Variants in ERC2 observed in about 807,000 individuals in gnomAD.
ERC2 encodes the protein ELKS/RAB6-interacting/CAST family member 2.
In ERC2, 42 loss-of-function variants were observed where a neutral mutation model predicts 114.8. The observed-to-expected ratio is 0.37, with a 90% CI of 0.29 to 0.47. The LOEUF is 0.47. Ranked by LOEUF, ERC2 falls within the 20% of genes least tolerant of loss-of-function variation. ERC2 has a pLI of 0.99. For synonymous variants in ERC2, 454 were observed against 425.5 expected, an observed-to-expected ratio of 1.07 and a Z score of -0.82; for missense variants, 939 against 1,150.7, an observed-to-expected ratio of 0.82 and a Z score of 2.66.
chr3:56,377,967 T>A (rs1015072614), intron 2 of ERC2, among the ~76,000 whole-genome samples: 1 of 152,218 alleles, frequency 6.6e-6, no homozygotes, highest in Admixed American at 6.5e-5. Flanking sequence ...CATGCATGTA[T>A]GTGAATTTCA....
rs145300256 is a variant in ERC2 at position 56,360,643 on chromosome 3, C to T, written c.658-64208G>A. The stretch of plus-strand genomic sequence containing the variant: ...AACCAGAAGGCCAGCCACAGTGGCT[C>T]ACGCCTGTAATCCCAACATCTTGGG... On this transcript the variant is annotated intron_variant, in intron 2 of 17. Coordinates refer to ENST00000288221, the MANE Select transcript of ERC2 (RefSeq NM_015576.3). Among the ~76,000 whole-genome samples, 258 of 152,268 alleles carry T rather than the reference C, an allele frequency of 1.7e-3. 1 individual carries two copies. The highest frequency in any genetic ancestry group is 5.9e-3 in the African/African-American group (244 of 41,562).
intron 12 of ERC2, among the ~76,000 whole-genome samples, chr3:55,956,428 C>T (rs754756753): frequency 1.4e-5 from 2 of 143,392 alleles, no homozygotes; most frequent in South Asian, 4.4e-4. Flanking sequence ...TTACTTGTAA[C>T]CACTGAGATT....
chr3:56,458,504 C>T (rs904710531), intron 1 of ERC2, among the ~76,000 whole-genome samples: 1 of 152,178 alleles, frequency 6.6e-6, no homozygotes, highest in African/African-American at 2.4e-5. Context: ...TCAGCTTTAA[C>T]AAAAAAGGTG....
intron 3 of ERC2, among the ~76,000 whole-genome samples, chr3:56,190,576 T>C (rs573531697): frequency 2.6e-5 from 4 of 152,078 alleles, no homozygotes; most frequent in African/African-American, 7.2e-5. Context: ...GCTGGGACCA[T>C]AGGTGCATGC....
chr3:55,977,172 C>G (rs747418268), intron 12 of ERC2, among the ~76,000 whole-genome samples: 26 of 152,140 alleles, frequency 1.7e-4, no homozygotes, highest in Non-Finnish European at 2.8e-4. Context: ...GACTAAGACA[C>G]AAATCATAAA....
intron 3 of ERC2, among the ~76,000 whole-genome samples, chr3:56,239,247 TG>T (rs2051161363): frequency 6.6e-6 from 1 of 152,230 alleles, no homozygotes; most frequent in African/African-American, 2.4e-5. Flanking sequence ...CCAGGCATGG[TG>T]GCTCATGCCT....
intron 14 of ERC2, among the ~76,000 whole-genome samples, chr3:55,859,377 G>A (rs1437374182): frequency 6.6e-6 from 1 of 151,928 alleles, no homozygotes; most frequent in African/African-American, 2.4e-5. Context: ...CATTCCTGCA[G>A]GGCTTCAACA....
At position 56,125,254 on chromosome 3, in the gene ERC2, G is replaced by C. The variant is rs73091265; in HGVS notation, c.1473+14255C>G. ...AAATATTTAGGATTCCTTGAATCAGGCTTATGTTTTACTCATCAGAAACAC... is the reference window on the plus strand; with the variant it reads ...AAATATTTAGGATTCCTTGAATCAGCCTTATGTTTTACTCATCAGAAACAC... On this transcript the variant is annotated intron_variant, in intron 6 of 17. Transcript: ENST00000288221. Among the ~76,000 whole-genome samples the C allele has an allele frequency of 6.6e-5, 10 of 152,142 alleles. No homozygotes were observed. The South Asian group carries it at 1.9e-3, about 28-fold the overall frequency.
chr3:56,360,130 T>C (rs1386611688), intron 2 of ERC2, among the ~76,000 whole-genome samples: 1 of 142,626 alleles, frequency 7.0e-6, no homozygotes, highest in African/African-American at 2.6e-5. Context: ...AGTGAGGTGA[T>C]CTTGGCTCAC....
At chr3:56,106,166 A>C (rs1458771562) in intron 6 of ERC2, among the ~76,000 whole-genome samples, 1 of 152,196 alleles carries the variant, frequency 6.6e-6, no homozygotes, top group Non-Finnish European at 1.5e-5. Context: ...TCCCTTTTGC[A>C]CTGGGGGTGG....
intron 14 of ERC2, among the ~76,000 whole-genome samples, chr3:55,827,869 C>T (rs529360722): frequency 1.3e-5 from 2 of 152,190 alleles, no homozygotes; most frequent in African/African-American, 2.4e-5. Flanking sequence ...AAATACAAAG[C>T]CCCTCATGAG....
At chr3:55,741,546 G>A (rs1006757869) in intron 14 of ERC2, among the ~76,000 whole-genome samples, 4 of 152,132 alleles carry the variant, frequency 2.6e-5, no homozygotes, top group African/African-American at 9.7e-5. Flanking sequence ...CCTGAAGAGA[G>A]TTCCATAAGC....
intron 17 of ERC2, among the ~76,000 whole-genome samples, chr3:55,559,896 C>A (rs551589357): frequency 6.6e-6 from 1 of 152,230 alleles, no homozygotes; most frequent in Non-Finnish European, 1.5e-5. Flanking sequence ...TAGCCCACAG[C>A]GTACGGATGG....
At chr3:56,214,154 A>G (rs907224483) in intron 3 of ERC2, among the ~76,000 whole-genome samples, 2 of 152,228 alleles carry the variant, frequency 1.3e-5, no homozygotes, top group African/African-American at 4.8e-5. Flanking sequence ...AATGACTTTG[A>G]CGAGTTGAGA....
chr3:56,167,442 A>G (rs2082378692), intron 4 of ERC2, among the ~76,000 whole-genome samples: 3 of 152,124 alleles, frequency 2.0e-5, no homozygotes, highest in South Asian at 4.1e-4. Flanking sequence ...TCATAAGAAG[A>G]GTTTGGGGGG....
chr3:55,966,407 C>A (rs1412327818), intron 12 of ERC2, among the ~76,000 whole-genome samples: 19 of 152,290 alleles, frequency 1.2e-4, no homozygotes, highest in Non-Finnish European at 8.8e-5. Context: ...GTTACCCTAT[C>A]TAAAACCCAC....
chr3:55,530,056 T>C (rs1321549407), intron 17 of ERC2, among the ~76,000 whole-genome samples: 2 of 152,212 alleles, frequency 1.3e-5, no homozygotes, highest in Non-Finnish European at 2.9e-5. Context: ...ATGATGTCAC[T>C]GGTAGCAGTA....
At chr3:55,511,470 A>G (rs2052061601) in intron 17 of ERC2, among the ~76,000 whole-genome samples, 194 bp from the exon 18 acceptor site, 1 of 152,174 alleles carries the variant, frequency 6.6e-6, no homozygotes, top group Admixed American at 6.5e-5. Flanking sequence ...CAGAAAGATA[A>G]ACTACGTCCT....
chr3:56,419,719 C>T (rs925899042), intron 2 of ERC2, among the ~76,000 whole-genome samples: 1 of 152,172 alleles, frequency 6.6e-6, no homozygotes, highest in African/African-American at 2.4e-5. Context: ...GTGGTAATAT[C>T]TAGACAGAGG....
Sources: allele counts gnomAD v4.1 joint callset (sites outside exome capture counted in the v4.1 genomes callset), GRCh38; gene constraint gnomAD v4.1.1; transcripts MANE v1.5; gene names NCBI Gene and HGNC (gene_info 2026-07-23, HGNC 2026-07-21).